RABGAP1: variants seen among roughly 807,000 people sequenced by gnomAD.
RABGAP1 encodes the protein rab GTPase-activating protein 1.
Under a neutral mutation model 137.6 loss-of-function variants are expected in RABGAP1, and 23 were observed. The ratio of observed to expected loss-of-function variants is 0.17; its 90% CI spans 0.12 to 0.24. The LOEUF (loss-of-function observed/expected upper bound fraction) is 0.24, where lower values mean the gene tolerates loss of function less well. Among genes scored for constraint, RABGAP1 ranks in the 10% least tolerant of loss-of-function variants. The pLI, the probability that RABGAP1 is intolerant of heterozygous loss-of-function variation, is 1.00. For synonymous variants in RABGAP1, 451 were observed against 450.7 expected (o/e 1.00, Z -0.01); for missense variants, 906 against 1,275.8 (o/e 0.71, Z 4.42).
chr9:123,072,540 T>C (rs143983349), intron 15 of RABGAP1, among the ~76,000 whole-genome samples: 1 of 152,300 alleles, frequency 6.6e-6, no homozygotes. Flanking sequence ...CAGAGTGTTA[T>C]AAGTGCTTGT....
intron 14 of RABGAP1, among the ~76,000 whole-genome samples, chr9:123,067,153 T>C (rs1289549611): frequency 6.6e-6 from 1 of 152,238 alleles, no homozygotes; most frequent in Admixed American, 6.5e-5. Context: ...TTGTTGTCTC[T>C]TTTTAAATTA....
At chr9:123,006,134 C>T (rs1422413572) in intron 10 of RABGAP1, among the ~76,000 whole-genome samples, 2 of 152,168 alleles carry the variant, frequency 1.3e-5, no homozygotes, top group African/African-American at 4.8e-5. Context: ...CAGTTTGTCA[C>T]TTATCTTTTA....
chr9:122,984,811 A>G, intron 3 of RABGAP1, 92 bp downstream of exon 3: 9 of 1,176,170 alleles, frequency 7.7e-6, no homozygotes, highest in Non-Finnish European at 1.1e-5. Flanking sequence ...AGAACAGGCA[A>G]AACCATTGTC....
intron 14 of RABGAP1, among the ~76,000 whole-genome samples, chr9:123,066,027 C>T (rs534683290): frequency 2.7e-4 from 41 of 152,162 alleles, no homozygotes; most frequent in Non-Finnish European, 5.6e-4. Context: ...GAGATAGGAA[C>T]GGAGTTTTTC....
intron 13 of RABGAP1, among the ~76,000 whole-genome samples, chr9:123,023,288 C>T (rs549501417): frequency 6.6e-6 from 1 of 152,308 alleles, no homozygotes; most frequent in South Asian, 2.1e-4. Context: ...TAAAGCGATT[C>T]TCCTGCATCA....
intron 2 of RABGAP1, among the ~76,000 whole-genome samples, chr9:122,961,626 A>G (rs1352847509): frequency 6.6e-6 from 1 of 152,208 alleles, no homozygotes; most frequent in East Asian, 1.9e-4. Context: ...TAGTAATAAC[A>G]CTATAAATGC....
At chr9:123,098,283 G>A (rs1261106621) in intron 22 of RABGAP1, among the ~76,000 whole-genome samples, 1 of 152,210 alleles carries the variant, frequency 6.6e-6, no homozygotes, top group African/African-American at 2.4e-5. Flanking sequence ...GTGCGCCTGG[G>A]AGCAGTCCCC....
intron 13 of RABGAP1, among the ~76,000 whole-genome samples, chr9:123,060,012 C>T (rs1238279115): frequency 1.3e-5 from 2 of 152,146 alleles, no homozygotes; most frequent in African/African-American, 2.4e-5. Flanking sequence ...AGAAAGATCT[C>T]CAGATCAGTG....
Position 123,103,999 on chromosome 9 carries a change from G to GTA in RABGAP1, c.*799_*800dup, listed in dbSNP as rs112214533. 0.62 allele frequency: 73,285 copies of GTA among 119,078 alleles called. 18,983 individuals are homozygous for GTA. Among genetic ancestry groups the GTA allele is most frequent in the South Asian group, 0.7 (2,711 of 3,900 alleles). 7.4% of individuals were successfully genotyped at this position (119,078 alleles called of 1,614,324 possible). On this transcript the variant is annotated 3_prime_UTR_variant, in exon 26 of 26. Transcript: ENST00000373647. The stretch of plus-strand genomic sequence containing the variant: ...TGTGTGTGTGTGTGTGTGTGTGTAT[G>GTA]TATATATATATATAAATATCTTTCC...
At chr9:123,069,127 A>G (rs1418276725) in intron 14 of RABGAP1, among the ~76,000 whole-genome samples, 2 of 152,250 alleles carry the variant, frequency 1.3e-5, no homozygotes, top group Admixed American at 6.5e-5. Flanking sequence ...TTAGATGTCA[A>G]TATTCTATTC....
intron 19 of RABGAP1, among the ~76,000 whole-genome samples, chr9:123,089,086 A>G (rs1258612305): frequency 6.9e-6 from 1 of 145,378 alleles, no homozygotes; most frequent in African/African-American, 2.4e-5. Flanking sequence ...AGAGAAAGAG[A>G]ACAATAATCT....
rs750834425 is a variant in RABGAP1, at chr9:123,101,759, T to C, written c.3083T>C (p.Ile1028Thr). Reference sequence around the variant, plus strand: ...CAGCTGGTGGAGGCCGAGTGTAAGATACAGGTAACAGCAGCAGAGCTCAGA... The same window carrying C: ...CAGCTGGTGGAGGCCGAGTGTAAGACACAGGTAACAGCAGCAGAGCTCAGA... ...KLQLVEAECKIQDLEHHLGLA... is the reference protein window; with the variant it reads ...KLQLVEAECKTQDLEHHLGLA... The change falls in exon 25 of 26, where the codon ATA becomes ACA. Residue 1028 changes from isoleucine to threonine, a missense_variant. Physicochemically the swap from Ile to Thr is moderately conservative, Grantham distance 89 (BLOSUM62 -1). Coordinates refer to ENST00000373647, the MANE Select transcript of RABGAP1 (RefSeq NM_012197.4). The C allele has an allele frequency of 1.9e-6, 3 of 1,606,572 alleles. No homozygotes were observed. Among genetic ancestry groups the C allele is most frequent in the East Asian group, 2.2e-5 (1 of 44,658 alleles).
chr9:123,047,542 G>T (rs1402107099), intron 13 of RABGAP1, among the ~76,000 whole-genome samples: 1 of 152,078 alleles, frequency 6.6e-6, no homozygotes, highest in Middle Eastern at 3.2e-3. Flanking sequence ...AATAGAAAAA[G>T]ATCTGGTTTA....
rs201010212 is a variant in RABGAP1, at chr9:122,998,082, AT to A, written c.1205-507del. On this transcript the variant is annotated intron_variant, in intron 9 of 25. Coordinates refer to ENST00000373647, the MANE Select transcript of RABGAP1 (RefSeq NM_012197.4). ...GACAGTACAGTGGTGTTTTTGTTTT[AT>A]TTTTTTTATTTTATTTATTTATTTA... 4.7e-3 allele frequency among the ~76,000 whole-genome samples: 706 copies of A among 151,598 alleles called. 3 individuals are homozygous for A. Among genetic ancestry groups the A allele is most frequent in the African/African-American group, 0.016 (679 of 41,356 alleles).
At chr9:122,992,628 A>C (rs1836791017) in intron 6 of RABGAP1, among the ~76,000 whole-genome samples, 1 of 150,412 alleles carries the variant, frequency 6.6e-6, no homozygotes, top group African/African-American at 2.4e-5. Context: ...AAATACTGTT[A>C]TGTTAACTTA....
chr9:122,982,647 T>C (rs1836135010), intron 2 of RABGAP1, among the ~76,000 whole-genome samples: 1 of 152,218 alleles, frequency 6.6e-6, no homozygotes, highest in Non-Finnish European at 1.5e-5. Flanking sequence ...TTGGGCTGTC[T>C]TTTGCTTACT....
At chr9:122,992,749 T>C (rs1248304426) in intron 6 of RABGAP1, among the ~76,000 whole-genome samples, 2 of 148,472 alleles carry the variant, frequency 1.3e-5, no homozygotes, top group African/African-American at 4.9e-5. Context: ...GTAATAGTTA[T>C]ATACCTATTA....
At chr9:123,060,164 A>G (rs2033911593) in intron 13 of RABGAP1, among the ~76,000 whole-genome samples, 1 of 152,250 alleles carries the variant, frequency 6.6e-6, no homozygotes, top group Admixed American at 6.5e-5. Context: ...TAATTTACAT[A>G]CAATAAACAT....
At chr9:123,028,472 G>A (rs1160680503) in intron 13 of RABGAP1, among the ~76,000 whole-genome samples, 8 of 152,206 alleles carry the variant, frequency 5.3e-5, no homozygotes, top group Non-Finnish European at 8.8e-5. Context: ...TCACCTAAGT[G>A]TTCTAAAAGG....
Sources: allele counts gnomAD v4.1 joint callset (sites outside exome capture counted in the v4.1 genomes callset), GRCh38; gene constraint gnomAD v4.1.1; transcripts MANE v1.5; gene names NCBI Gene and HGNC (gene_info 2026-07-23, HGNC 2026-07-21).